Variants in IGF2R observed in about 807,000 individuals in gnomAD.
The protein encoded by IGF2R is cation-independent mannose-6-phosphate receptor.
Under a neutral mutation model 270.6 loss-of-function variants are expected in IGF2R, and 91 were observed. The ratio of observed to expected loss-of-function variants is 0.34; its 90% CI spans 0.28 to 0.40. The LOEUF (loss-of-function observed/expected upper bound fraction) is 0.40, where lower values mean the gene tolerates loss of function less well. IGF2R is among the 10% of genes least tolerant of loss of function. The pLI is 1.00. For missense variants in IGF2R, 2,805 were observed against 3,188.3 expected (o/e 0.88, Z 2.90); for synonymous variants, 1,316 against 1,258.9 (o/e 1.05, Z -0.96).
At chr6:160,075,046 G>A (rs1458461329) in intron 35 of IGF2R, among the ~76,000 whole-genome samples, 1 of 152,178 alleles carries the variant, frequency 6.6e-6, no homozygotes, top group Non-Finnish European at 1.5e-5. Context: ...GCCCCACAGT[G>A]GTGAATGAAG....
chr6:160,094,390 C>G, intron 44 of IGF2R: 1 of 214,948 alleles, frequency 4.7e-6, no homozygotes, highest in South Asian at 8.1e-5. Flanking sequence ...GCGAGTCTGC[C>G]AGCATGCTTC....
Position 160,048,371 on chromosome 6 carries a change from T to G in IGF2R, c.2346-4T>G. The G allele has an allele frequency of 6.2e-7, 1 of 1,614,172 alleles. No individual in the cohort carries two copies. The highest frequency in any genetic ancestry group is 8.5e-7 in the Non-Finnish European group (1 of 1,179,964). ...AGCATATACATTTTGCTTTGAAATT[T>G]TAGTCTGGCAAAATCTGAAGGTGGC... is the stretch of plus-strand genomic sequence containing the variant. On this transcript the variant is annotated splice_polypyrimidine_tract_variant and splice_region_variant and intron_variant, in intron 17 of 47. Transcript: ENST00000356956.
intron 2 of IGF2R, among the ~76,000 whole-genome samples, chr6:159,997,016 G>T (rs535047872): frequency 6.6e-6 from 1 of 152,304 alleles, no homozygotes; most frequent in Admixed American, 6.5e-5. Context: ...GAGGGTGGGG[G>T]AGGAGAAGTC....
chr6:160,065,389 C>T (rs1196114475), intron 29 of IGF2R, among the ~76,000 whole-genome samples: 1 of 152,190 alleles, frequency 6.6e-6, no homozygotes, highest in African/African-American at 2.4e-5. Context: ...GCCACTTGAT[C>T]ACTGTTGACT....
At chr6:159,999,390 T>C in intron 2 of IGF2R, among the ~76,000 whole-genome samples, 2 of 152,282 alleles carry the variant, frequency 1.3e-5, no homozygotes, top group South Asian at 4.1e-4. Context: ...GCCTCCACAA[T>C]GAGCACCTTG....
intron 39 of IGF2R, among the ~76,000 whole-genome samples, chr6:160,081,049 C>A (rs1219847540): frequency 6.6e-6 from 1 of 151,524 alleles, no homozygotes; most frequent in Non-Finnish European, 1.5e-5. Context: ...TGGTGTGTAC[C>A]CGGGAGGCGG....
intron 23 of IGF2R, 49 bp downstream of exon 23, chr6:160,060,766 G>T (rs1265581797): frequency 3.2e-6 from 5 of 1,568,092 alleles, no homozygotes; most frequent in Non-Finnish European, 4.4e-6. Context: ...GAGTCAGTGT[G>T]TGTGTGAGTG....
chr6:160,084,294 A>ATCT lies in IGF2R; in HGVS notation c.6068+111_6068+112insCTT. The stretch of plus-strand genomic sequence containing the variant: ...TTCTCAAGATGGGAATACTATGCCC[A>ATCT]TGTGAGGCTGATGGTGGTTGAGTTG... On this transcript the variant is annotated intron_variant, in intron 40 of 47. Coordinates refer to ENST00000356956, the MANE Select transcript of IGF2R (RefSeq NM_000876.4). The surrounding 1 kb of genome is among the most constrained non-coding windows in gnomAD (Gnocchi z 4.6). 1 of 669,412 alleles carries ATCT rather than the reference A, an allele frequency of 1.5e-6. No homozygotes were observed. The highest frequency in any genetic ancestry group is 2.7e-6 in the Non-Finnish European group (1 of 376,302). The allele number at this position is 669,412 out of a possible 1,614,324, so 41.5% of individuals were successfully genotyped here.
intron 2 of IGF2R, chr6:160,003,405 C>T (rs1266073427): frequency 3.9e-5 from 6 of 152,138 alleles, no homozygotes; most frequent in Non-Finnish European, 5.9e-5. Flanking sequence ...CATTTTAAAA[C>T]GTATATTCAC....
chr6:160,085,850 A>T (rs543208836), intron 41 of IGF2R, among the ~76,000 whole-genome samples: 4 of 152,272 alleles, frequency 2.6e-5, no homozygotes, highest in Non-Finnish European at 4.4e-5. Flanking sequence ...GCAGGTTGGT[A>T]GGTGGAGGGA....
chr6:159,975,224 T>A (rs1408086021), intron 1 of IGF2R, among the ~76,000 whole-genome samples: 4 of 152,178 alleles, frequency 2.6e-5, no homozygotes, highest in Non-Finnish European at 4.4e-5. Context: ...TCTGATTAAT[T>A]TGCTAGAGTG....
chr6:159,971,488 G>T (rs542782769), intron 1 of IGF2R, among the ~76,000 whole-genome samples: 1 of 152,216 alleles, frequency 6.6e-6, no homozygotes, highest in South Asian at 2.1e-4. Flanking sequence ...TTTTCTGCCA[G>T]ATTTTCTTAG....
In IGF2R at chr6:160,083,967, T is replaced by A. The variant is rs1186334338; in HGVS notation, c.5851T>A (p.Ser1951Thr). The change falls in exon 40 of 48, where the codon TCC becomes ACC. Residue 1951 changes from serine (S) to threonine (T), a missense_variant. Physicochemically the swap from Ser to Thr is moderately conservative, Grantham distance 58. Around this residue, in one of 2 missense-constraint regions of IGF2R, gnomAD observed 1,851 missense variants for 2,207.2 expected, o/e 0.84. Coordinates refer to ENST00000356956, the MANE Select transcript of IGF2R (RefSeq NM_000876.4). ...FCRHSNSYRTSSIIFKCDEDE... is the reference protein window; with the variant it reads ...FCRHSNSYRTTSIIFKCDEDE... ...CTCCCCAGCAAACAGCTACCGGACA[T>A]CCAGCATCATATTTAAGTGTGATGA... 6.2e-7 allele frequency: 1 copy of A among 1,613,294 alleles called. No homozygotes were observed. Among genetic ancestry groups the A allele is most frequent in the African/African-American group, 1.3e-5 (1 of 74,884 alleles).
Position 160,084,850 on chromosome 6 carries a change from A to G in IGF2R, c.6069-145A>G, listed in dbSNP as rs1394082812. 4.1e-6 allele frequency: 3 copies of G among 734,720 alleles called. No individual in the cohort carries two copies. The highest frequency in any genetic ancestry group is 3.5e-5 in the African/African-American group (2 of 56,426). 45.5% of individuals were successfully genotyped at this position (734,720 alleles called of 1,614,324 possible). On this transcript the variant is annotated intron_variant, in intron 40 of 47. Coordinates refer to ENST00000356956, the MANE Select transcript of IGF2R (RefSeq NM_000876.4). The surrounding 1 kb of genome is among the most constrained non-coding windows in gnomAD (Gnocchi z 4.6). ...TGCCCTTTTTTTTTTTAATTGGAAA[A>G]GCTATTTTAGTGCTACATTCAGTGA...
At chr6:160,027,543 G>C (rs1777589045) in intron 6 of IGF2R, among the ~76,000 whole-genome samples, 1 of 152,208 alleles carries the variant, frequency 6.6e-6, no homozygotes, top group African/African-American at 2.4e-5. Context: ...TACATCTCAT[G>C]ATCCAGTCCA....
intron 11 of IGF2R, among the ~76,000 whole-genome samples, chr6:160,041,424 T>A (rs188519930): frequency 6.7e-6 from 1 of 149,318 alleles, no homozygotes. Context: ...TAAGTGGGAG[T>A]TGAACATTGA....
At chr6:160,047,984 C>G in intron 17 of IGF2R, 77 bp downstream of exon 17, 1 of 958,934 alleles carries the variant, frequency 1.0e-6, no homozygotes, top group South Asian at 1.3e-5. Flanking sequence ...GAGCGTGTGA[C>G]TGAGCTGATG....
At chr6:160,020,072 A>G (rs957205466) in intron 4 of IGF2R, among the ~76,000 whole-genome samples, 2 of 152,214 alleles carry the variant, frequency 1.3e-5, no homozygotes, top group African/African-American at 4.8e-5. Context: ...AGTTTCCTCC[A>G]AAAGTCTCTT....
chr6:160,012,779 G>A (rs200077408), intron 4 of IGF2R, among the ~76,000 whole-genome samples: 11,853 of 111,230 alleles, frequency 0.11, 1,258 homozygotes, highest in East Asian at 0.35. Flanking sequence ...TTTTTTTTTT[G>A]TTTGTTTGTT....
Sources: gnomAD v4.1 joint callset for allele counts (sites outside exome capture counted in the v4.1 genomes callset) on GRCh38, gnomAD v4.1.1 for gene constraint, gnomAD v4.1.1 regional missense constraint, Gnocchi (gnomAD v3.1) non-coding constraint, MANE v1.5 for transcripts, NCBI Gene and HGNC (gene_info 2026-07-23, HGNC 2026-07-21) for gene names.